Variants in ZNF433 observed in about 807,000 individuals in gnomAD.
ZNF433 encodes zinc finger protein 433.
In ZNF433, 12 loss-of-function variants were observed where a neutral mutation model predicts 10.6. The ratio of observed to expected loss-of-function variants is 1.13; its 90% CI spans 0.72 to 1.83. ZNF433 has a LOEUF of 1.83. Among genes scored for constraint, ZNF433 ranks in the 40% most tolerant of loss-of-function variants. The pLI is 0.00. For missense variants in ZNF433, 737 were observed against 798.0 expected, an observed-to-expected ratio of 0.92 and a Z score of 0.92; for synonymous variants, 272 against 271.3, an observed-to-expected ratio of 1.00 and a Z score of -0.02.
chr19:12,031,007 T>C (rs1385072166), intron 1 of ZNF433, among the ~76,000 whole-genome samples: 1 of 151,616 alleles, frequency 6.6e-6, no homozygotes, highest in Non-Finnish European at 1.5e-5. Context: ...ACCTGGGAGG[T>C]GGGGGTTGCA....
intron 1 of ZNF433, chr19:12,025,285 A>G (rs1278489006): frequency 2.0e-5 from 3 of 152,226 alleles, no homozygotes; most frequent in Non-Finnish European, 4.4e-5. Flanking sequence ...TTGCCATTTC[A>G]TACAGATGAA....
Position 12,016,358 on chromosome 19 carries a change from TAG to T in ZNF433, c.498_499del (p.Tyr167CysfsTer3), listed in dbSNP as rs752441635. ...TGTTTTTCCGCATTCCTCACAAACA[TAG>T]AGTTTCCTTCCACTATGAGCCCTTT... On this transcript the variant is annotated frameshift_variant, in exon 4 of 4. Transcript: ENST00000550507. LOFTEE classifies it low-confidence loss of function (END_TRUNC). 4.2e-5 allele frequency: 68 copies of T among 1,613,620 alleles called. No individual in the cohort carries two copies. Among genetic ancestry groups the T allele is most frequent in the East Asian group, 6.7e-5 (3 of 44,786 alleles).
intron 1 of ZNF433, chr19:12,030,085 A>C: frequency 3.6e-6 from 1 of 274,384 alleles, no homozygotes; most frequent in Non-Finnish European, 7.2e-6. Flanking sequence ...CCATCTCAAA[A>C]AAAAAAAAAA....
At chr19:12,025,348 A>AC (rs1974684251) in intron 1 of ZNF433, 1 of 152,188 alleles carries the variant, frequency 6.6e-6, no homozygotes, top group Non-Finnish European at 1.5e-5. Flanking sequence ...AATAGAATAC[A>AC]CCCTTTTTAC....
At chr19:12,024,193 A>G (rs969908784) in intron 1 of ZNF433, 4 of 152,198 alleles carry the variant, frequency 2.6e-5, no homozygotes, top group Admixed American at 6.6e-5. Context: ...TAAACGGAGA[A>G]TGTTAACTGA....
rs576654865 is a variant in ZNF433 at position 12,014,954 on chromosome 19, C to T, written c.1904G>A (p.Arg635Lys). The T allele has an allele frequency of 7.4e-6, 12 of 1,613,884 alleles. No homozygotes were observed. Among genetic ancestry groups the T allele is most frequent in the Admixed American group, 1.7e-5 (1 of 59,990 alleles). The change falls in exon 4 of 4, where the codon AGG becomes AAG. Residue 635 changes from arginine (R) to lysine (K), a missense_variant. Physicochemically the swap from Arg to Lys is conservative, Grantham distance 26 (BLOSUM62 2). Coordinates refer to ENST00000550507, the MANE Select transcript of ZNF433 (RefSeq NM_001308348.2). ...GCPSNLRRHG[R>K]THTGEKPYKC... The stretch of plus-strand genomic sequence containing the variant: ...ATAGGGTTTCTCTCCAGTGTGAGTC[C>T]TTCCATGCCTTCGAAGGTTTGAGGG...
Position 12,016,586 on chromosome 19 carries a change from A to G in ZNF433, c.272T>C (p.Leu91Pro). 2 of 1,614,124 alleles carry G rather than the reference A, an allele frequency of 1.2e-6. No individual in the cohort carries two copies. The highest frequency in any genetic ancestry group is 1.7e-6 in the Non-Finnish European group (2 of 1,180,032). ...TTTTACTCCAGTAGTTGTTTTCTTC[A>G]GCATGTCATCTGGAACCTGGGTCAA... ...EILTQVPDDM[L>P]KKTTTGVKSC... The change falls in exon 4 of 4, where the codon CTG becomes CCG. Residue 91 changes from leucine to proline, a missense_variant. Transcript: ENST00000550507.
In ZNF433 at chr19:12,015,867, T is replaced by C. The variant is rs1288871820; in HGVS notation, c.991A>G (p.Arg331Gly). Reference protein sequence around the residue: ...SVRRHERTHSRKKPYECKHCG... With the variant: ...SVRRHERTHSGKKPYECKHCG... Reference sequence around the variant, plus strand: ...TGTTTACATTCATAGGGTTTTTTCCTAGAGTGGGTTCTTTCATGTCTGCGA... The same window carrying C: ...TGTTTACATTCATAGGGTTTTTTCCCAGAGTGGGTTCTTTCATGTCTGCGA... The change falls in exon 4 of 4, where the codon AGG becomes GGG. Residue 331 changes from arginine to glycine, a missense_variant. Transcript: ENST00000550507. The C allele has an allele frequency of 6.2e-7, 1 of 1,613,722 alleles. No individual in the cohort carries two copies. The highest frequency in any genetic ancestry group is 1.7e-5 in the Admixed American group (1 of 59,946).
At chr19:12,018,423 ACT>A (rs1974323578) in intron 1 of ZNF433, 131 bp from the exon 2 acceptor site, 3 of 1,067,438 alleles carry the variant, frequency 2.8e-6, no homozygotes, top group Non-Finnish European at 2.5e-6. Context: ...CAGACCTCAT[ACT>A]CTCTGTCTAC....
chr19:12,031,461 C>A (rs1294079968), intron 1 of ZNF433, among the ~76,000 whole-genome samples: 1 of 151,958 alleles, frequency 6.6e-6, no homozygotes, highest in African/African-American at 2.4e-5. Flanking sequence ...ATCAGCCTAG[C>A]CAGCATGGCG....
chr19:12,024,697 A>C (rs1396463900), intron 1 of ZNF433: 1 of 152,206 alleles, frequency 6.6e-6, no homozygotes, highest in African/African-American at 2.4e-5. Context: ...TAGATTTGCT[A>C]ATTTTTTCAA....
At chr19:12,025,953 C>T (rs1353823755) in intron 1 of ZNF433, 1 of 152,252 alleles carries the variant, frequency 6.6e-6, no homozygotes, top group East Asian at 1.9e-4. Context: ...GTTGCAAAAG[C>T]AAAAAGGGGG....
At chr19:12,019,674 A>G (rs1260262131) in intron 1 of ZNF433, among the ~76,000 whole-genome samples, 1 of 152,232 alleles carries the variant, frequency 6.6e-6, no homozygotes, top group African/African-American at 2.4e-5. Flanking sequence ...ATCAATCCAC[A>G]TGTCCATTGA....
chr19:12,018,515 A>G (rs1456909732), intron 1 of ZNF433: 1 of 421,128 alleles, frequency 2.4e-6, no homozygotes, highest in African/African-American at 2.1e-5. Flanking sequence ...GAAAATGTGT[A>G]TTTTTGGTAA....
intron 1 of ZNF433, chr19:12,022,108 C>A: frequency 2.3e-6 from 1 of 433,880 alleles, no homozygotes; most frequent in Admixed American, 2.4e-5. Context: ...CCATGACACC[C>A]ACAATGAAGA....
chr19:12,033,156 C>T (rs900122806), intron 1 of ZNF433, among the ~76,000 whole-genome samples: 5 of 151,776 alleles, frequency 3.3e-5, no homozygotes, highest in Non-Finnish European at 5.9e-5. Flanking sequence ...TGCAGTGGTG[C>T]GATGTCCGCT....
In ZNF433 at chr19:12,020,624, TAAG is replaced by T. The variant is rs778109502; in HGVS notation, c.4-2335_4-2333del. On this transcript the variant is annotated intron_variant, in intron 1 of 3. Transcript: ENST00000550507. ...AAATTTAGGGATTTATTGTCATTCC[TAAG>T]AAGAGCTGGCTGAGCGCGGTGGCTC... Among the ~76,000 whole-genome samples, 48 of 152,098 alleles carry T rather than the reference TAAG, an allele frequency of 3.2e-4. 1 individual carries two copies. The highest frequency in any genetic ancestry group is 1.6e-3 in the East Asian group (8 of 5,128).
intron 1 of ZNF433, among the ~76,000 whole-genome samples, chr19:12,020,985 T>C (rs1354215703): frequency 4.0e-5 from 6 of 150,634 alleles, no homozygotes; most frequent in African/African-American, 9.8e-5. Flanking sequence ...TTTTTTTTTT[T>C]CTTTTTTTTT....
At chr19:12,016,701 G>T in intron 3 of ZNF433, 35 bp from the exon 4 acceptor site, 1 of 1,580,608 alleles carries the variant, frequency 6.3e-7, no homozygotes, top group African/African-American at 1.4e-5. Context: ...TAATGGGTTT[G>T]ATTATCAGTG....
Sources: gnomAD v4.1 joint callset for allele counts (sites outside exome capture counted in the v4.1 genomes callset) on GRCh38, gnomAD v4.1.1 for gene constraint, MANE v1.5 for transcripts, NCBI Gene and HGNC (gene_info 2026-07-23, HGNC 2026-07-21) for gene names.